The following SLC25A12 variants were observed in gnomAD, a reference collection of about 807,000 sequenced individuals.
SLC25A12 encodes the protein electrogenic aspartate/glutamate antiporter SLC25A12, mitochondrial.
A neutral mutation model predicts 83.3 loss-of-function variants in SLC25A12; 32 were observed. That is an observed-to-expected ratio of 0.38 (90% confidence interval 0.29 to 0.52). SLC25A12 has a LOEUF of 0.52. Among genes scored for constraint, SLC25A12 ranks in the 20% least tolerant of loss-of-function variants. The pLI is 0.84. For synonymous variants in SLC25A12, 267 were observed against 291.1 expected (o/e 0.92, Z 0.84); for missense variants, 611 against 835.6 (o/e 0.73, Z 3.31).
At chr2:171,831,898 C>A (rs149757416) in intron 8 of SLC25A12, among the ~76,000 whole-genome samples, 15 of 145,070 alleles carry the variant, frequency 1.0e-4, no homozygotes, top group South Asian at 2.2e-4. Flanking sequence ...GACTCTGTCT[C>A]AAAAAAAAAA....
chr2:171,836,603 A>G (rs1684562830), intron 6 of SLC25A12, among the ~76,000 whole-genome samples: 1 of 152,200 alleles, frequency 6.6e-6, no homozygotes, highest in Non-Finnish European at 1.5e-5. Flanking sequence ...CATGGTTATT[A>G]AAACACTGCA....
chr2:171,801,251 A>G (rs1283998641), intron 13 of SLC25A12, among the ~76,000 whole-genome samples: 1 of 152,200 alleles, frequency 6.6e-6, no homozygotes, highest in Non-Finnish European at 1.5e-5. Context: ...CATAGAATAA[A>G]AGGACTTGGT....
At chr2:171,809,796 T>C (rs191338646) in intron 12 of SLC25A12, 110 bp from the exon 13 acceptor site, 212 of 809,336 alleles carry the variant, frequency 2.6e-4, no homozygotes, top group Non-Finnish European at 3.9e-4. Flanking sequence ...AAATTTAAAA[T>C]TATCAAATGC....
rs754304274 is a variant in SLC25A12, at chr2:171,791,566, T to C, written c.1470A>G (p.Arg490=). 1.9e-6 allele frequency: 3 copies of C among 1,614,010 alleles called. No individual in the cohort carries two copies. In the South Asian group the frequency reaches 3.3e-5, roughly 18 times the overall value. The change falls in exon 15 of 18, where the codon CGA becomes CGG. Residue 490 remains arginine, a synonymous_variant. Transcript: ENST00000422440. ...AATAGATTGCAGAGAAGGGAATGTC[T>C]CGGAGGAAACACGCTTTGGCACCCT... The part of the protein sequence containing the change: ...LYKGAKACFL[R]DIPFSAIYFP...
At chr2:171,838,736 T>C (rs1684611854) in intron 5 of SLC25A12, among the ~76,000 whole-genome samples, 1 of 152,190 alleles carries the variant, frequency 6.6e-6, no homozygotes. Flanking sequence ...ATTTGTCTTT[T>C]AAAGATACGT....
At chr2:171,800,286 C>T (rs1055285423) in intron 13 of SLC25A12, among the ~76,000 whole-genome samples, 13 of 151,206 alleles carry the variant, frequency 8.6e-5, no homozygotes, top group Non-Finnish European at 1.6e-4. Flanking sequence ...AAATATGAAA[C>T]CTAATAAAAT....
At chr2:171,843,243 G>C (rs2176466) in intron 5 of SLC25A12, among the ~76,000 whole-genome samples, 2 of 152,108 alleles carry the variant, frequency 1.3e-5, no homozygotes, top group African/African-American at 4.8e-5. Context: ...TGTTTTAAAC[G>C]CATTAAAAAG....
chr2:171,850,021 C>CTTTGT (rs1684888830), intron 4 of SLC25A12, among the ~76,000 whole-genome samples: 1 of 151,724 alleles, frequency 6.6e-6, no homozygotes, highest in African/African-American at 2.4e-5. Context: ...CCAGGCTGGT[C>CTTTGT]TTGAACTCTT....
intron 13 of SLC25A12, among the ~76,000 whole-genome samples, chr2:171,805,040 G>GA (rs1263823539): frequency 3.3e-5 from 5 of 152,168 alleles, no homozygotes; most frequent in African/African-American, 4.8e-5. Flanking sequence ...TTAAATGGGG[G>GA]AGTTGTATGG....
At chr2:171,854,846 C>T (rs6727459) in intron 4 of SLC25A12, among the ~76,000 whole-genome samples, 117,108 of 152,072 alleles carry the variant, frequency 0.77, 46,156 homozygotes, top group East Asian at 0.89. Flanking sequence ...GTGTTTAATG[C>T]CATAGCTCAG....
intron 6 of SLC25A12, among the ~76,000 whole-genome samples, chr2:171,835,255 A>G (rs879853993): frequency 1.3e-5 from 2 of 152,220 alleles, no homozygotes; most frequent in Non-Finnish European, 2.9e-5. Flanking sequence ...ACACTTTTTA[A>G]CCTTGTTTTT....
At chr2:171,854,545 C>T (rs912897587) in intron 4 of SLC25A12, among the ~76,000 whole-genome samples, 3 of 151,632 alleles carry the variant, frequency 2.0e-5, no homozygotes, top group African/African-American at 7.3e-5. Flanking sequence ...CCAGTCTGGG[C>T]GACAGAGCAA....
chr2:171,892,294 C>G (rs556383155), intron 2 of SLC25A12, among the ~76,000 whole-genome samples: 1 of 150,746 alleles, frequency 6.6e-6, no homozygotes. Context: ...GGCACGATCT[C>G]GACTCACTGC....
chr2:171,892,975 A>C (rs1039743473), intron 2 of SLC25A12, among the ~76,000 whole-genome samples: 1 of 148,790 alleles, frequency 6.7e-6, no homozygotes, highest in African/African-American at 2.4e-5. Context: ...ATATATCTTA[A>C]GTCATGTAAA....
chr2:171,891,630 C>T (rs980194207), intron 2 of SLC25A12, among the ~76,000 whole-genome samples: 2 of 152,190 alleles, frequency 1.3e-5, no homozygotes, highest in African/African-American at 2.4e-5. Flanking sequence ...CATCATGCAG[C>T]ATTTCAACTC....
intron 2 of SLC25A12, among the ~76,000 whole-genome samples, chr2:171,879,075 A>T (rs541341356): frequency 3.5e-4 from 53 of 152,380 alleles, no homozygotes; most frequent in African/African-American, 1.3e-3. Context: ...TAAGAAAAAA[A>T]TTATTTTAAA....
At chr2:171,825,119 C>T (rs1684274667) in intron 9 of SLC25A12, among the ~76,000 whole-genome samples, 1 of 152,030 alleles carries the variant, frequency 6.6e-6, no homozygotes, top group Admixed American at 6.6e-5. Flanking sequence ...TGGAAATAAA[C>T]TTTGATGGCA....
Position 171,868,678 on chromosome 2 carries a change from TACC to T in SLC25A12, c.209_209+2del. ...TTTTCAGAAAATGCATGAAGATACT[TACC>T]CATCCTTGGTTTGATCAGCTACTCC... On this transcript the variant is annotated splice_donor_variant and coding_sequence_variant, in exon 3 of 18. Coordinates refer to ENST00000422440, the MANE Select transcript of SLC25A12 (RefSeq NM_003705.5). LOFTEE classifies it high-confidence loss of function. 6.2e-7 allele frequency: 1 copy of T among 1,613,584 alleles called. No homozygotes were observed. The highest frequency in any genetic ancestry group is 1.7e-5 in the Admixed American group (1 of 60,012).
In SLC25A12 at chr2:171,834,898, CAAACAA is replaced by C; in HGVS notation, c.613-39_613-34del. On this transcript the variant is annotated intron_variant, in intron 6 of 17. Transcript: ENST00000422440. The stretch of plus-strand genomic sequence containing the variant: ...ATGACAACACAAAAAGTTTAAAAAA[CAAACAA>C]AAACAAAAACACGTTTATGGACACT... The C allele has an allele frequency of 1.9e-6, 3 of 1,603,616 alleles. No homozygotes were observed. The South Asian group carries it at 3.3e-5, about 18-fold the overall frequency.
Sources: gnomAD v4.1 joint callset for allele counts (sites outside exome capture counted in the v4.1 genomes callset) on GRCh38, gnomAD v4.1.1 for gene constraint, MANE v1.5 for transcripts, NCBI Gene and HGNC (gene_info 2026-07-23, HGNC 2026-07-21) for gene names.